The following NRXN2 variants were observed in gnomAD, a reference collection of about 807,000 sequenced individuals.
NRXN2 encodes neurexin-2-beta.
Under a neutral mutation model 128.8 loss-of-function variants are expected in NRXN2, and 29 were observed. The observed-to-expected ratio is 0.23, with a 90% CI of 0.17 to 0.31. The LOEUF is 0.31. Ranked by LOEUF, NRXN2 falls within the 10% of genes least tolerant of loss-of-function variation. The probability of loss-of-function intolerance (pLI) is 1.00; values close to 1 mark genes in which losing one functional copy is unlikely to be tolerated. For missense variants in NRXN2, 1,881 were observed against 2,452.6 expected (o/e 0.77, Z 4.92); for synonymous variants, 1,098 against 1,075.2 (o/e 1.02, Z -0.41).
Position 64,690,410 on chromosome 11 carries a change from G to T in NRXN2, c.845C>A (p.Thr282Lys). 6.2e-7 allele frequency: 1 copy of T among 1,612,720 alleles called. No homozygotes were observed. The highest frequency in any genetic ancestry group is 8.5e-7 in the Non-Finnish European group (1 of 1,179,626). ...RGGAGDVHQPTKGKEEFVATF... is the reference protein window; with the variant it reads ...RGGAGDVHQPKKGKEEFVATF... Reference sequence around the variant, plus strand: ...GGACCATGGGGGTCACTGACCTTTTGTTGGCTGGTGCACATCGCCGGCTCC... The same window carrying T: ...GGACCATGGGGGTCACTGACCTTTTTTTGGCTGGTGCACATCGCCGGCTCC... Residue 282 changes from threonine to lysine, a missense_variant, in exon 5 of 23, where the codon ACA (threonine) becomes AAA (lysine). Coordinates refer to ENST00000265459, the MANE Select transcript of NRXN2 (RefSeq NM_015080.4).
intron 2 of NRXN2, among the ~76,000 whole-genome samples, chr11:64,703,226 T>C (rs932669217): frequency 6.6e-6 from 1 of 152,172 alleles, no homozygotes; most frequent in Non-Finnish European, 1.5e-5. Context: ...TCCAGCTGCT[T>C]ACATGGCTCC....
chr11:64,635,736 G>A lies in NRXN2; in HGVS notation c.3404-284C>T, dbSNP rs1281065543. 6.6e-6 allele frequency among the ~76,000 whole-genome samples: 1 copy of A among 152,180 alleles called. No homozygotes were observed. Among genetic ancestry groups the A allele is most frequent in the Non-Finnish European group, 1.5e-5 (1 of 68,030 alleles). On this transcript the variant is annotated intron_variant, in intron 17 of 22. Coordinates refer to ENST00000265459, the MANE Select transcript of NRXN2 (RefSeq NM_015080.4). This position sits in a 1 kb window ranked among gnomAD's most constrained non-coding sequence, Gnocchi z 4.8. ...GGTAATAGAGTGACACAGAGAGAGA[G>A]CCCAGAGAGAAGCTGTAAGGAGACT... is the stretch of plus-strand genomic sequence containing the variant.
chr11:64,626,489 A>G lies in NRXN2; in HGVS notation c.3821T>C (p.Val1274Ala). 6.2e-7 allele frequency: 1 copy of G among 1,613,634 alleles called. No homozygotes were observed. The highest frequency in any genetic ancestry group is 1.1e-5 in the South Asian group (1 of 91,070). The change falls in exon 20 of 23, where the codon GTA becomes GCA. Residue 1274 changes from valine to alanine, a missense_variant. By Grantham distance (64) the Val-to-Ala change is moderately conservative. Coordinates refer to ENST00000265459, the MANE Select transcript of NRXN2 (RefSeq NM_015080.4). Reference sequence around the variant, plus strand: ...TTTGTCGAGCAGCCACTCATCTACTACTCGACCAAGCCGGTAGGGGATTCT... The same window carrying G: ...TTTGTCGAGCAGCCACTCATCTACTGCTCGACCAAGCCGGTAGGGGATTCT... ...RQRIPYRLGR[V>A]VDEWLLDKGR...
At position 64,660,127 on chromosome 11, in the gene NRXN2, G is replaced by A. The variant is rs369925318; in HGVS notation, c.2389+205C>T. On this transcript the variant is annotated intron_variant, in intron 11 of 22. Transcript: ENST00000265459. The surrounding 1 kb of genome is among the most constrained non-coding windows in gnomAD (Gnocchi z 5.2). Reference sequence around the variant, plus strand: ...GGGTCTTGCCCCTCACAGTGTCGTCGAGCATGGAATGTCGCCCTACACTGT... The same window carrying A: ...GGGTCTTGCCCCTCACAGTGTCGTCAAGCATGGAATGTCGCCCTACACTGT... Among the ~76,000 whole-genome samples the A allele has an allele frequency of 2.6e-5, 4 of 152,280 alleles. No homozygotes were observed. Among genetic ancestry groups the A allele is most frequent in the South Asian group, 2.1e-4 (1 of 4,818 alleles).
intron 3 of NRXN2, among the ~76,000 whole-genome samples, chr11:64,695,797 G>C (rs2054425235): frequency 1.3e-5 from 2 of 151,958 alleles, no homozygotes; most frequent in African/African-American, 4.8e-5. Flanking sequence ...CATCCACAGT[G>C]CCACATCTAA....
intron 15 of NRXN2, among the ~76,000 whole-genome samples, chr11:64,649,316 A>G (rs143280122): frequency 1.9e-4 from 29 of 151,438 alleles, no homozygotes; most frequent in African/African-American, 6.8e-4. Flanking sequence ...GCCTTTCCCA[A>G]CTCTTGGGCT....
At position 64,667,985 on chromosome 11, in the gene NRXN2, C is replaced by T. The variant is rs747653041; in HGVS notation, c.1360-297G>A. ...TTCATAATAATGACAAGGCCACTGA[C>T]GTGTGGTAGCTGTTTTCCACTCAAT... is the stretch of plus-strand genomic sequence containing the variant. On this transcript the variant is annotated intron_variant, in intron 8 of 22. Transcript: ENST00000265459. The surrounding 1 kb of genome is among the most constrained non-coding windows in gnomAD (Gnocchi z 5.6). 8.5e-5 allele frequency among the ~76,000 whole-genome samples: 13 copies of T among 152,154 alleles called. No homozygotes were observed. Among genetic ancestry groups the T allele is most frequent in the African/African-American group, 2.4e-4 (10 of 41,426 alleles).
intron 20 of NRXN2, among the ~76,000 whole-genome samples, chr11:64,624,656 C>T (rs998161826): frequency 3.9e-5 from 6 of 152,226 alleles, no homozygotes; most frequent in African/African-American, 1.4e-4. Context: ...TTTCTTTCTC[C>T]AAGGGCTTCT....
At chr11:64,669,186 T>C (rs988631738) in intron 7 of NRXN2, among the ~76,000 whole-genome samples, 7 of 152,162 alleles carry the variant, frequency 4.6e-5, no homozygotes, top group African/African-American at 1.4e-4. Context: ...GGAACTCAAA[T>C]ATTCCTGGGA....
intron 17 of NRXN2, among the ~76,000 whole-genome samples, chr11:64,642,338 G>A (rs939713288): frequency 6.6e-6 from 1 of 151,982 alleles, no homozygotes; most frequent in African/African-American, 2.4e-5. Context: ...GGTGATGGGG[G>A]AGAGGAGAGA....
Position 64,622,734 on chromosome 11 carries a change from A to C in NRXN2, c.4173+19T>G, listed in dbSNP as rs1299627532. 6.2e-7 allele frequency: 1 copy of C among 1,600,440 alleles called. No homozygotes were observed. The highest frequency in any genetic ancestry group is 1.1e-5 in the South Asian group (1 of 90,904). ...CCACCTATCCCTGCCCTAATCCACC[A>C]GCCAGAGTGGGGCCTCACCTGGGTG... is the stretch of plus-strand genomic sequence containing the variant. On this transcript the variant is annotated intron_variant, in intron 21 of 22. Transcript: ENST00000265459. The surrounding 1 kb of genome is among the most constrained non-coding windows in gnomAD (Gnocchi z 4.3).
intron 6 of NRXN2, among the ~76,000 whole-genome samples, 159 bp downstream of exon 6, chr11:64,685,487 T>C (rs1230156222): frequency 6.6e-6 from 1 of 152,150 alleles, no homozygotes; most frequent in Non-Finnish European, 1.5e-5. Context: ...TGCAGCCTTA[T>C]GTCGGGACCC....
chr11:64,620,722 G>A (rs1208653057), intron 21 of NRXN2, among the ~76,000 whole-genome samples: 1 of 149,072 alleles, frequency 6.7e-6, no homozygotes. Flanking sequence ...GAAGGTGCCA[G>A]GGAGGCAAGG....
chr11:64,650,395 G>A (rs896353166), intron 15 of NRXN2, 53 bp downstream of exon 15: 23 of 1,587,410 alleles, frequency 1.4e-5, no homozygotes, highest in Non-Finnish European at 2.0e-5. Flanking sequence ...ATCTCGCTGG[G>A]GTGAGGGGTA....
At position 64,713,829 on chromosome 11, in the gene NRXN2, A is replaced by T; in HGVS notation, c.-130T>A. 1 of 461,518 alleles carries T rather than the reference A, an allele frequency of 2.2e-6. No individual in the cohort carries two copies. Among genetic ancestry groups the T allele is most frequent in the Non-Finnish European group, 2.9e-6 (1 of 347,660 alleles). 28.6% of individuals were successfully genotyped at this position (461,518 alleles called of 1,614,324 possible). On this transcript the variant is annotated 5_prime_UTR_variant, in exon 2 of 23. An upstream start codon of the reference 5' UTR is lost. Transcript: ENST00000265459. Reference sequence around the variant, plus strand: ...GGCTCCCTTGCAGGCTCACAGTGCCATGGGCCCGGCCGCGGGGCGAGGCGC... The same window carrying T: ...GGCTCCCTTGCAGGCTCACAGTGCCTTGGGCCCGGCCGCGGGGCGAGGCGC...
At chr11:64,655,413 A>C (rs992556228) in intron 11 of NRXN2, among the ~76,000 whole-genome samples, 3 of 152,192 alleles carry the variant, frequency 2.0e-5, no homozygotes, top group African/African-American at 7.2e-5. Flanking sequence ...GCGGCTGCAC[A>C]GAGGGGACAG....
chr11:64,659,819 C>T (rs2048766654), intron 11 of NRXN2: 1 of 213,654 alleles, frequency 4.7e-6, no homozygotes, highest in Non-Finnish European at 9.5e-6. Flanking sequence ...TGCACCTCCA[C>T]ACACCAACAC....
chr11:64,716,415 T>C (rs1410194446), intron 1 of NRXN2, among the ~76,000 whole-genome samples: 1 of 151,594 alleles, frequency 6.6e-6, no homozygotes, highest in Non-Finnish European at 1.5e-5. Context: ...TGAAAGATGG[T>C]AGGGAGGCTG....
Position 64,650,543 on chromosome 11 carries a change from A to G in NRXN2, c.3014T>C (p.Val1005Ala). Reference sequence around the variant, plus strand: ...CACGTTGCCTGGGTCCCTGGACACCACCACGTTGTGCCACTGGTTGTCATT... The same window carrying G: ...CACGTTGCCTGGGTCCCTGGACACCGCCACGTTGTGCCACTGGTTGTCATT... ...PVNDNQWHNV[V>A]VSRDPGNVHT... The change falls in exon 15 of 23, where the codon GTG (valine) becomes GCG (alanine). Residue 1005 changes from valine (V) to alanine (A), a missense_variant. By Grantham distance (64) the Val-to-Ala change is moderately conservative. Around this residue, in one of 7 missense-constraint regions of NRXN2, gnomAD observed 390 missense variants for 599.6 expected, o/e 0.65. Coordinates refer to ENST00000265459, the MANE Select transcript of NRXN2 (RefSeq NM_015080.4). 2 of 1,614,174 alleles carry G rather than the reference A, an allele frequency of 1.2e-6. No individual in the cohort carries two copies. The highest frequency in any genetic ancestry group is 1.7e-6 in the Non-Finnish European group (2 of 1,180,026).
Sources: gnomAD v4.1 joint callset for allele counts (sites outside exome capture counted in the v4.1 genomes callset) on GRCh38, gnomAD v4.1.1 for gene constraint, gnomAD v4.1.1 regional missense constraint, Gnocchi (gnomAD v3.1) non-coding constraint, MANE v1.5 for transcripts, NCBI Gene and HGNC (gene_info 2026-07-23, HGNC 2026-07-21) for gene names.